Variants in BMERB1 observed in about 807,000 individuals in gnomAD.
BMERB1 encodes the protein bMERB domain containing 1.
In BMERB1, 12 loss-of-function variants were observed where a neutral mutation model predicts 23.6. The observed-to-expected ratio is 0.51, with a 90% CI of 0.33 to 0.82. The LOEUF (loss-of-function observed/expected upper bound fraction) is 0.82. Among genes scored for constraint, BMERB1 ranks in the 40% least tolerant of loss-of-function variants. The pLI is 0.03. For missense variants in BMERB1, 247 were observed against 255.4 expected (o/e 0.97, Z 0.22); for synonymous variants, 122 against 96.6 (o/e 1.26, Z -1.54).
At position 15,561,256 on chromosome 16, in the gene BMERB1, AT is replaced by A. The variant is rs35139646; in HGVS notation, c.231-6699del. Among the ~76,000 whole-genome samples, 413 of 42,208 alleles carry A rather than the reference AT, an allele frequency of 9.8e-3. 5 individuals carry two copies. The highest frequency in any genetic ancestry group is 0.035 in the African/African-American group (324 of 9,332). 27.7% of individuals were successfully genotyped at this position (42,208 alleles called of 152,430 possible). ...ACAGGTGTGAGCCACCACGCCGGCC[AT>A]TTTTTTTTTTTTTTTTTTTTTTTTT... On this transcript the variant is annotated intron_variant, in intron 2 of 5. Coordinates refer to ENST00000300006, the MANE Select transcript of BMERB1 (RefSeq NM_033201.3).
intron 2 of BMERB1, among the ~76,000 whole-genome samples, chr16:15,523,111 C>T (rs1307577354): frequency 6.6e-6 from 1 of 152,094 alleles, no homozygotes; most frequent in East Asian, 1.9e-4. Flanking sequence ...GGAGTCAGGC[C>T]GCCCAGCAGC....
intron 1 of BMERB1, among the ~76,000 whole-genome samples, chr16:15,513,982 T>C (rs1567477901): frequency 6.6e-6 from 1 of 152,154 alleles, no homozygotes; most frequent in Non-Finnish European, 1.5e-5. Flanking sequence ...TACACACACA[T>C]ATTTATATAT....
Position 15,515,505 on chromosome 16 carries a change from A to G in BMERB1, c.230+77A>G, listed in dbSNP as rs1043953329. The G allele has an allele frequency of 1.1e-5, 17 of 1,530,870 alleles. No homozygotes were observed. The Admixed American group carries it at 1.3e-4, about 11-fold the overall frequency. The allele number at this position is 1,530,870 out of a possible 1,614,324, so 94.8% of individuals were successfully genotyped here. ...AAAACCTAATATTTGTTGATCGTCT[A>G]CTGTGTGCCAGGCACTGAGATAAAG... On this transcript the variant is annotated intron_variant, in intron 2 of 5. Transcript: ENST00000300006.
At chr16:15,485,726 GCAAA>G (rs1230522642) in intron 1 of BMERB1, among the ~76,000 whole-genome samples, 64 of 148,420 alleles carry the variant, frequency 4.3e-4, no homozygotes, top group African/African-American at 1.2e-3. Context: ...AAAAAAAAAA[GCAAA>G]CAAACAACAA....
intron 1 of BMERB1, among the ~76,000 whole-genome samples, chr16:15,480,877 G>T (rs945990144): frequency 6.6e-6 from 1 of 152,000 alleles, no homozygotes; most frequent in African/African-American, 2.4e-5. Flanking sequence ...CTCCCAAAGT[G>T]CTGGGATTAC....
intron 2 of BMERB1, chr16:15,533,174 G>A (rs943644049): frequency 3.1e-6 from 1 of 322,354 alleles, no homozygotes; most frequent in African/African-American, 2.2e-5. Flanking sequence ...TTACCACCAG[G>A]AAGAAATTGA....
intron 2 of BMERB1, among the ~76,000 whole-genome samples, chr16:15,518,380 G>GA (rs547416868): frequency 5.4e-4 from 83 of 152,326 alleles, no homozygotes; most frequent in African/African-American, 1.9e-3. Flanking sequence ...GACAGTATTG[G>GA]ATGGTGATGA....
chr16:15,484,930 G>T (rs186967775), intron 1 of BMERB1, among the ~76,000 whole-genome samples: 4 of 152,274 alleles, frequency 2.6e-5, no homozygotes. Flanking sequence ...AGCGTGGCTG[G>T]ATCCAAGGGA....
chr16:15,553,008 C>A (rs1375293689), intron 2 of BMERB1, among the ~76,000 whole-genome samples: 1 of 152,116 alleles, frequency 6.6e-6, no homozygotes, highest in Admixed American at 6.5e-5. Context: ...ACCCCCATCT[C>A]TACCAGACAT....
chr16:15,513,116 G>A (rs1358762109), intron 1 of BMERB1, among the ~76,000 whole-genome samples: 1 of 152,024 alleles, frequency 6.6e-6, no homozygotes, highest in Non-Finnish European at 1.5e-5. Flanking sequence ...CCCCACTACC[G>A]ATCAAAGGCC....
At position 15,480,606 on chromosome 16, in the gene BMERB1, C is replaced by CTT. The variant is rs1159247360; in HGVS notation, c.107-34675_107-34674dup. ...TTCATCCATATGCCAATTCCACTGT[C>CTT]TTTTTTTTTTTTTTTTTTTTTTTTT... On this transcript the variant is annotated intron_variant, in intron 1 of 5. Coordinates refer to ENST00000300006, the MANE Select transcript of BMERB1 (RefSeq NM_033201.3). Among the ~76,000 whole-genome samples the CTT allele has an allele frequency of 8.9e-3, 525 of 59,050 alleles. 4 individuals carry two copies. Among genetic ancestry groups the CTT allele is most frequent in the African/African-American group, 0.02 (302 of 15,116 alleles). The allele number at this position is 59,050 out of a possible 152,430, so 38.7% of individuals were successfully genotyped here. A position where few individuals can be genotyped will look rare whatever the true frequency, so the allele number is the denominator to read the frequency against.
In BMERB1 at chr16:15,586,237, G is replaced by A. The variant is rs148246617; in HGVS notation, c.503-480G>A. ...AGTTATAAAACCGAGAGGATAGAGT[G>A]AGAAGGTCCAACTTACATGTGATAG... On this transcript the variant is annotated intron_variant, in intron 5 of 5. Transcript: ENST00000300006. 9.2e-5 allele frequency among the ~76,000 whole-genome samples: 14 copies of A among 152,284 alleles called. No homozygotes were observed. The East Asian group carries it at 2.5e-3, about 27-fold the overall frequency.
At chr16:15,572,136 G>T (rs993301473) in intron 3 of BMERB1, among the ~76,000 whole-genome samples, 3 of 152,198 alleles carry the variant, frequency 2.0e-5, no homozygotes, top group Non-Finnish European at 4.4e-5. Flanking sequence ...AGCAATCTGG[G>T]TTTGAATTCA....
chr16:15,576,682 C>T (rs2030868268), intron 3 of BMERB1, among the ~76,000 whole-genome samples: 3 of 152,066 alleles, frequency 2.0e-5, no homozygotes, highest in Non-Finnish European at 4.4e-5. Flanking sequence ...ATCGAGGTGT[C>T]AACAGGGCCT....
At chr16:15,462,547 A>G (rs890151429) in intron 1 of BMERB1, among the ~76,000 whole-genome samples, 2 of 152,034 alleles carry the variant, frequency 1.3e-5, no homozygotes, top group Non-Finnish European at 2.9e-5. Flanking sequence ...CAGTGGGAGA[A>G]GGTGATTGGA....
At chr16:15,558,644 G>A (rs988397194) in intron 2 of BMERB1, among the ~76,000 whole-genome samples, 1 of 151,892 alleles carries the variant, frequency 6.6e-6, no homozygotes, top group African/African-American at 2.4e-5. Flanking sequence ...GTGTCGTAGC[G>A]ACATATATGT....
intron 1 of BMERB1, among the ~76,000 whole-genome samples, chr16:15,495,298 C>T (rs1419139979): frequency 2.0e-5 from 3 of 151,940 alleles, no homozygotes; most frequent in Non-Finnish European, 2.9e-5. Flanking sequence ...TGGGTTCAAG[C>T]GATTCTCCTG....
intron 1 of BMERB1, among the ~76,000 whole-genome samples, chr16:15,482,573 TC>T (rs2051330633): frequency 6.6e-6 from 1 of 152,062 alleles, no homozygotes; most frequent in Non-Finnish European, 1.5e-5. Context: ...GTTGAGTCAC[TC>T]GACAATCCAA....
chr16:15,499,619 C>T (rs1231556551), intron 1 of BMERB1, among the ~76,000 whole-genome samples: 2 of 152,048 alleles, frequency 1.3e-5, no homozygotes, highest in East Asian at 1.9e-4. Flanking sequence ...TTGAGTCCAC[C>T]TGGGAAGGGC....
Sources: gnomAD v4.1 joint callset for allele counts (sites outside exome capture counted in the v4.1 genomes callset) on GRCh38, gnomAD v4.1.1 for gene constraint, MANE v1.5 for transcripts, NCBI Gene and HGNC (gene_info 2026-07-23, HGNC 2026-07-21) for gene names.